Variants in NPAS3 observed in about 807,000 individuals in gnomAD.
NPAS3 encodes neuronal PAS domain-containing protein 3.
Under a neutral mutation model 73.1 loss-of-function variants are expected in NPAS3, and 14 were observed. The observed-to-expected ratio is 0.19, with a 90% confidence interval of 0.13 to 0.30. NPAS3 has a LOEUF of 0.30. NPAS3 is among the 10% of genes least tolerant of loss of function. The probability of loss-of-function intolerance (pLI) is 1.00; values close to 1 mark genes in which losing one functional copy is unlikely to be tolerated. For missense variants in NPAS3, 1,096 were observed against 1,250.0 expected (o/e 0.88, Z 1.86); for synonymous variants, 620 against 541.5 (o/e 1.14, Z -2.01).
intron 4 of NPAS3, among the ~76,000 whole-genome samples, chr14:33,458,449 A>G (rs1205448334): frequency 1.3e-5 from 2 of 152,184 alleles, no homozygotes; most frequent in African/African-American, 4.8e-5. Flanking sequence ...TTTAAGTCAC[A>G]TGGGGCGAAA....
chr14:33,370,134 G>A (rs111808651), intron 4 of NPAS3, among the ~76,000 whole-genome samples: 2,959 of 152,160 alleles, frequency 0.019, 76 homozygotes, highest in African/African-American at 0.06. Context: ...TACTTTATAA[G>A]AACACAGAAG....
chr14:33,475,361 G>A (rs892064027), intron 4 of NPAS3, among the ~76,000 whole-genome samples: 10 of 151,926 alleles, frequency 6.6e-5, no homozygotes, highest in African/African-American at 2.4e-4. Flanking sequence ...CATTAAAAAA[G>A]AATTAGAATA....
intron 3 of NPAS3, among the ~76,000 whole-genome samples, chr14:33,364,804 C>T (rs754569328): frequency 2.0e-5 from 3 of 151,670 alleles, no homozygotes; most frequent in Non-Finnish European, 2.9e-5. Context: ...AAGACAACAG[C>T]GTCTATGCTT....
At chr14:33,773,867 G>A (rs1189458114) in intron 7 of NPAS3, among the ~76,000 whole-genome samples, 3 of 152,272 alleles carry the variant, frequency 2.0e-5, no homozygotes, top group South Asian at 4.1e-4. Context: ...ATTCATTGGA[G>A]CCTTTGGCCT....
intron 3 of NPAS3, among the ~76,000 whole-genome samples, chr14:33,330,350 G>A (rs1452649079): frequency 6.6e-6 from 1 of 152,092 alleles, no homozygotes. Flanking sequence ...AAACATTTGT[G>A]TTCTCCAAAT....
At chr14:33,044,772 G>A (rs61974896) in intron 1 of NPAS3, among the ~76,000 whole-genome samples, 13,767 of 151,970 alleles carry the variant, frequency 0.091, 666 homozygotes, top group Non-Finnish European at 0.1. Flanking sequence ...GGGTACATGC[G>A]CCTTGGGAAT....
intron 4 of NPAS3, among the ~76,000 whole-genome samples, chr14:33,445,877 C>T (rs946479037): frequency 1.3e-5 from 2 of 151,804 alleles, no homozygotes; most frequent in South Asian, 4.2e-4. Flanking sequence ...GGAGGGTACA[C>T]AGGGACCTCC....
intron 1 of NPAS3, among the ~76,000 whole-genome samples, chr14:32,991,361 A>G (rs970432102): frequency 6.6e-6 from 1 of 152,152 alleles, no homozygotes; most frequent in African/African-American, 2.4e-5. Context: ...AAGATTCTCA[A>G]GGGATACCTG....
intron 1 of NPAS3, among the ~76,000 whole-genome samples, chr14:32,989,367 G>A (rs536767020): frequency 1.3e-5 from 2 of 152,294 alleles, no homozygotes; most frequent in East Asian, 3.9e-4. Flanking sequence ...GTTTGTGGCC[G>A]GGCACGGTGG....
At chr14:33,376,435 A>C (rs2046315206) in intron 4 of NPAS3, among the ~76,000 whole-genome samples, 1 of 152,182 alleles carries the variant, frequency 6.6e-6, no homozygotes, top group South Asian at 2.1e-4. Context: ...AATTCAGTAT[A>C]TGCTTTTTTT....
chr14:33,416,774 ATTGT>A (rs1476929686), intron 4 of NPAS3, among the ~76,000 whole-genome samples: 1 of 151,994 alleles, frequency 6.6e-6, no homozygotes, highest in Non-Finnish European at 1.5e-5. Context: ...AATGAAACCG[ATTGT>A]TTATTTCTAC....
At chr14:33,585,914 C>T (rs1299991754) in intron 5 of NPAS3, 1 of 151,898 alleles carries the variant, frequency 6.6e-6, no homozygotes, top group African/African-American at 2.4e-5. Context: ...ATGTTTTATG[C>T]CTTTTTAGTT....
At position 33,180,805 on chromosome 14, in the gene NPAS3, A is replaced by C. The variant is rs61227492; in HGVS notation, c.141-34377A>C. The stretch of plus-strand genomic sequence containing the variant: ...CAGAGCGAGACACTGTCTCCAAGAA[A>C]AAAAAAAAAAAAAAAAAAAAGACAC... On this transcript the variant is annotated intron_variant, in intron 2 of 11. Transcript: ENST00000356141. 2.6e-3 allele frequency among the ~76,000 whole-genome samples: 380 copies of C among 148,362 alleles called. 7 individuals carry two copies. The highest frequency in any genetic ancestry group is 9.1e-3 in the African/African-American group (372 of 40,856).
At chr14:33,121,186 C>T (rs1378067788) in intron 2 of NPAS3, among the ~76,000 whole-genome samples, 1 of 152,142 alleles carries the variant, frequency 6.6e-6, no homozygotes, top group Admixed American at 6.6e-5. Context: ...GCCCTGAGCA[C>T]ATTGTATTCT....
In NPAS3 at chr14:33,215,667, C is replaced by A. The variant is rs1359884269; in HGVS notation, c.385+241C>A. On this transcript the variant is annotated intron_variant, in intron 3 of 11. Transcript: ENST00000356141. ...AATTCTGTCACTTTATATAAGATTTCAGAGAAATGAAAATGAAATGACACA... is the reference window on the plus strand; with the variant it reads ...AATTCTGTCACTTTATATAAGATTTAAGAGAAATGAAAATGAAATGACACA... 17 of 675,174 alleles carry A rather than the reference C, an allele frequency of 2.5e-5. No homozygotes were observed. The East Asian group carries it at 4.0e-4, about 16-fold the overall frequency. 41.8% of individuals were successfully genotyped at this position (675,174 alleles called of 1,614,324 possible). A position where few individuals can be genotyped will look rare whatever the true frequency, so the allele number is the denominator to read the frequency against.
At chr14:33,517,009 C>T (rs1027747374) in intron 4 of NPAS3, among the ~76,000 whole-genome samples, 1 of 152,056 alleles carries the variant, frequency 6.6e-6, no homozygotes, top group African/African-American at 2.4e-5. Flanking sequence ...GATGAACAGG[C>T]TGTATATAAA....
At chr14:33,198,108 G>C (rs371410925) in intron 2 of NPAS3, among the ~76,000 whole-genome samples, 4 of 152,144 alleles carry the variant, frequency 2.6e-5, no homozygotes, top group Non-Finnish European at 4.4e-5. Context: ...TGGGGGGTTC[G>C]TGATCTCACT....
intron 2 of NPAS3, among the ~76,000 whole-genome samples, chr14:33,169,070 G>A (rs1187260287): frequency 2.0e-5 from 3 of 152,182 alleles, no homozygotes; most frequent in Admixed American, 6.5e-5. Flanking sequence ...CCCTCTGGTG[G>A]AGTGGCATAA....
intron 7 of NPAS3, among the ~76,000 whole-genome samples, chr14:33,742,988 C>A (rs2140701453): frequency 6.6e-6 from 1 of 150,512 alleles, no homozygotes. Flanking sequence ...GATTCTAATT[C>A]TCTTGCCATT....
Sources: allele counts gnomAD v4.1 joint callset (sites outside exome capture counted in the v4.1 genomes callset), GRCh38; gene constraint gnomAD v4.1.1; transcripts MANE v1.5; gene names NCBI Gene and HGNC (gene_info 2026-07-23, HGNC 2026-07-21).